Variants in UBFD1 observed in about 807,000 individuals in gnomAD.
The protein encoded by UBFD1 is ubiquitin family domain containing 1, also known as ubiquitin domain-containing protein UBFD1.
A neutral mutation model predicts 35.1 loss-of-function variants in UBFD1; 12 were observed. The observed-to-expected ratio is 0.34, with a 90% CI of 0.22 to 0.55. The LOEUF is 0.55. UBFD1 is among the 20% of genes least tolerant of loss of function. The pLI, the probability that UBFD1 is intolerant of heterozygous loss-of-function variation, is 0.89. For synonymous variants in UBFD1, 178 were observed against 167.6 expected (o/e 1.06, Z -0.48); for missense variants, 337 against 410.8 (o/e 0.82, Z 1.55).
chr16:23,557,937 A>C lies in UBFD1; in HGVS notation c.26-13A>C. 1 of 1,333,252 alleles carries C rather than the reference A, an allele frequency of 7.5e-7. No homozygotes were observed. The highest frequency in any genetic ancestry group is 9.6e-7 in the Non-Finnish European group (1 of 1,042,314). The allele number at this position is 1,333,252 out of a possible 1,614,324, so 82.6% of individuals were successfully genotyped here. A position where few individuals can be genotyped will look rare whatever the true frequency, so the allele number is the denominator to read the frequency against. On this transcript the variant is annotated splice_polypyrimidine_tract_variant and intron_variant, in intron 1 of 6. Transcript: ENST00000395878. ...AGCCCGCGGCGAGCGCCCACCCCCTAACCCCCTTGCAGGCATGGAGGAACC... is the reference window on the plus strand; with the variant it reads ...AGCCCGCGGCGAGCGCCCACCCCCTCACCCCCTTGCAGGCATGGAGGAACC...
rs1169675920 is a variant in UBFD1, at chr16:23,573,301, T to A, written c.*2711T>A. 22 of 152,320 alleles carry A rather than the reference T, an allele frequency of 1.4e-4. No homozygotes were observed. The highest frequency in any genetic ancestry group is 1.3e-4 in the Non-Finnish European group (9 of 68,024). The allele number at this position is 152,320 out of a possible 1,614,324, so 9.4% of individuals were successfully genotyped here. A position where few individuals can be genotyped will look rare whatever the true frequency, so the allele number is the denominator to read the frequency against. ...GGAGGGGGTGGCCGTCTCTTAGACA[T>A]TGGACACCTCTCAGAGCCTCCTGAG... On this transcript the variant is annotated 3_prime_UTR_variant, in exon 7 of 7. Transcript: ENST00000395878.
chr16:23,561,176 C>T (rs569300567), intron 3 of UBFD1, among the ~76,000 whole-genome samples: 2 of 152,282 alleles, frequency 1.3e-5, no homozygotes, highest in African/African-American at 4.8e-5. Flanking sequence ...AGTCCCTTGC[C>T]TTTTTACCAG....
At position 23,572,080 on chromosome 16, in the gene UBFD1, ATT is replaced by A. The variant is rs1300145820; in HGVS notation, c.*1491_*1492del. 6 of 152,618 alleles carry A rather than the reference ATT, an allele frequency of 3.9e-5. No individual in the cohort carries two copies. Among genetic ancestry groups the A allele is most frequent in the Non-Finnish European group, 7.3e-5 (5 of 68,038 alleles). 9.5% of individuals were successfully genotyped at this position (152,618 alleles called of 1,614,324 possible). On this transcript the variant is annotated 3_prime_UTR_variant, in exon 7 of 7. Coordinates refer to ENST00000395878, the MANE Select transcript of UBFD1 (RefSeq NM_019116.3). ...TAGCATGTGTTCGCCCAAGATGACT[ATT>A]CCTTGTGAGCCAGTTAATGATGATA...
chr16:23,562,509 C>A, intron 4 of UBFD1, 116 bp from the exon 5 acceptor site: 1 of 954,776 alleles, frequency 1.0e-6, no homozygotes, highest in South Asian at 1.6e-5. Flanking sequence ...CTCAGGTGAT[C>A]TGACCGCTTT....
At chr16:23,557,826 G>T (rs188568660) in intron 1 of UBFD1, 59 bp downstream of exon 1, 17 of 1,279,070 alleles carry the variant, frequency 1.3e-5, no homozygotes, top group Non-Finnish European at 1.6e-5. Flanking sequence ...TCGCTCCTCT[G>T]GGGGATGCGG....
chr16:23,562,147 A>C, intron 3 of UBFD1, 59 bp from the exon 4 acceptor site: 2 of 1,484,670 alleles, frequency 1.3e-6, no homozygotes, highest in Admixed American at 1.8e-5. Flanking sequence ...TTTCAAGGGA[A>C]TAGTAACACG....
rs1966078517 is a variant in UBFD1 at position 23,571,122 on chromosome 16, AT to A, written c.*534del. 6.6e-6 allele frequency: 1 copy of A among 152,490 alleles called. No individual in the cohort carries two copies. The highest frequency in any genetic ancestry group is 2.4e-5 in the African/African-American group (1 of 41,390). 9.4% of individuals were successfully genotyped at this position (152,490 alleles called of 1,614,324 possible). On this transcript the variant is annotated 3_prime_UTR_variant, in exon 7 of 7. Coordinates refer to ENST00000395878, the MANE Select transcript of UBFD1 (RefSeq NM_019116.3). Reference sequence around the variant, plus strand: ...ATTTCTGTCCATTGATTCAGATTTAATTCTTTCCCTTTTTCATTCTCTCGCT... The same window carrying A: ...ATTTCTGTCCATTGATTCAGATTTAATCTTTCCCTTTTTCATTCTCTCGCT...
chr16:23,570,055 A>C (rs1966062794), intron 6 of UBFD1, among the ~76,000 whole-genome samples: 2 of 152,222 alleles, frequency 1.3e-5, no homozygotes, highest in Admixed American at 6.5e-5. Flanking sequence ...TGCAATGAAC[A>C]TTCATACCTG....
intron 5 of UBFD1, among the ~76,000 whole-genome samples, chr16:23,563,863 A>G (rs2142216046): frequency 6.6e-6 from 1 of 152,228 alleles, no homozygotes; most frequent in South Asian, 2.1e-4. Flanking sequence ...CCTTTTTCCC[A>G]TTCCTTGTTA....
At chr16:23,561,283 G>A (rs1965929344) in intron 3 of UBFD1, among the ~76,000 whole-genome samples, 1 of 152,224 alleles carries the variant, frequency 6.6e-6, no homozygotes, top group South Asian at 2.1e-4. Context: ...CACCATGCCA[G>A]TGAGGATTTG....
intron 2 of UBFD1, 156 bp from the exon 3 acceptor site, chr16:23,559,312 C>T (rs968326472): frequency 1.6e-6 from 1 of 634,584 alleles, no homozygotes; most frequent in African/African-American, 1.8e-5. Context: ...GTTCTAGAAA[C>T]TGAGGTTCAG....
intron 3 of UBFD1, among the ~76,000 whole-genome samples, chr16:23,560,588 A>G (rs923288672): frequency 2.6e-5 from 4 of 152,204 alleles, no homozygotes; most frequent in Admixed American, 2.6e-4. Flanking sequence ...CCAAAACCCC[A>G]AAGGAGTATA....
intron 5 of UBFD1, chr16:23,565,271 C>A (rs1416587702): frequency 1.3e-5 from 2 of 152,194 alleles, no homozygotes; most frequent in Non-Finnish European, 2.9e-5. Flanking sequence ...GGCTGCTACT[C>A]TTGACTAAAC....
intron 3 of UBFD1, among the ~76,000 whole-genome samples, chr16:23,560,798 T>C (rs1188045765): frequency 1.3e-5 from 2 of 152,226 alleles, no homozygotes; most frequent in East Asian, 3.8e-4. Context: ...TATAAACCTA[T>C]ATTAATTATC....
chr16:23,570,330 G>T, intron 6 of UBFD1, 150 bp from the exon 7 acceptor site: 6 of 626,550 alleles, frequency 9.6e-6, no homozygotes, highest in East Asian at 2.8e-5. Flanking sequence ...TTTTGTTTTT[G>T]GTTGGGAGAA....
chr16:23,558,546 A>G (rs1174054440), intron 2 of UBFD1, among the ~76,000 whole-genome samples: 5 of 152,158 alleles, frequency 3.3e-5, no homozygotes, highest in Non-Finnish European at 7.4e-5. Context: ...TCTAATTAAA[A>G]AATCACCTAA....
chr16:23,570,040 A>G (rs1273389277), intron 6 of UBFD1, among the ~76,000 whole-genome samples: 2 of 152,344 alleles, frequency 1.3e-5, no homozygotes, highest in East Asian at 3.9e-4. Context: ...GGTTTCAGAC[A>G]GTGCTGCAAT....
intron 3 of UBFD1, among the ~76,000 whole-genome samples, chr16:23,560,214 C>T (rs964169857): frequency 6.6e-6 from 1 of 152,144 alleles, no homozygotes; most frequent in Non-Finnish European, 1.5e-5. Flanking sequence ...GAAATAGGAG[C>T]TTGGTTTTTT....
chr16:23,558,389 C>T (rs988607630), intron 2 of UBFD1, 110 bp downstream of exon 2: 64 of 1,340,032 alleles, frequency 4.8e-5, no homozygotes, highest in Non-Finnish European at 6.0e-5. Context: ...CCCATCCTTA[C>T]AGCAGTCTTC....
Sources: allele counts gnomAD v4.1 joint callset (sites outside exome capture counted in the v4.1 genomes callset), GRCh38; gene constraint gnomAD v4.1.1; transcripts MANE v1.5; gene names NCBI Gene and HGNC (gene_info 2026-07-23, HGNC 2026-07-21).